The following TRPV5 variants were observed in gnomAD, a reference collection of about 807,000 sequenced individuals.
The protein encoded by TRPV5 is calcium transport protein 2.
Under a neutral mutation model 74.1 loss-of-function variants are expected in TRPV5, and 66 were observed. The observed-to-expected ratio is 0.89, with a 90% confidence interval of 0.73 to 1.09. The LOEUF (loss-of-function observed/expected upper bound fraction) is 1.09. TRPV5 is among the 50% of genes least tolerant of loss of function. The pLI, the probability that TRPV5 is intolerant of heterozygous loss-of-function variation, is 0.00. For synonymous variants in TRPV5, 399 were observed against 360.7 expected (o/e 1.11, Z -1.20); for missense variants, 936 against 930.4 (o/e 1.01, Z -0.08).
At chr7:142,923,496 G>A (rs4252444) in intron 8 of TRPV5, among the ~76,000 whole-genome samples, 114,890 of 152,052 alleles carry the variant, frequency 0.76, 47,835 homozygotes, top group East Asian at 0.96. Context: ...TTTCATTAGC[G>A]TTCTTTGTTA....
At position 142,933,432 on chromosome 7, in the gene TRPV5, C is replaced by T. The variant is rs766843884; in HGVS notation, c.28G>A (p.Gly10Arg). 2.5e-6 allele frequency: 4 copies of T among 1,614,092 alleles called. No individual in the cohort carries two copies. In the South Asian group the frequency reaches 3.3e-5, roughly 13 times the overall value. ...AGTTTCTGGAGTTGGCTCCCGGGCC[C>T]TTCTGCCTTAGGTAGAAAACCCCCC... Reference protein sequence around the residue: MGGFLPKAEGPGSQLQKLLP... With the variant: MGGFLPKAERPGSQLQKLLP... The change falls in exon 1 of 15, where the codon GGG becomes AGG. Residue 10 changes from glycine (G) to arginine (R), a missense_variant. Coordinates refer to ENST00000265310, the MANE Select transcript of TRPV5 (RefSeq NM_019841.7).
chr7:142,926,534 G>A (rs193165200), intron 7 of TRPV5, among the ~76,000 whole-genome samples: 56 of 152,240 alleles, frequency 3.7e-4, no homozygotes, highest in Non-Finnish European at 7.1e-4. Flanking sequence ...AGACATGCTC[G>A]GCAGTGTAGG....
rs1795638973 is a variant in TRPV5, at chr7:142,908,187, A to G, written c.*327T>C. ...AGCCAGAAAAGCCTCACAGCTTACT[A>G]CTTTCTAGGGGCTGCGTGGGGCAGA... On this transcript the variant is annotated 3_prime_UTR_variant, in exon 15 of 15. Transcript: ENST00000265310. The G allele has an allele frequency of 5.4e-6, 2 of 367,774 alleles. No homozygotes were observed. Among genetic ancestry groups the G allele is most frequent in the South Asian group, 4.5e-5 (1 of 21,996 alleles). 22.8% of individuals were successfully genotyped at this position (367,774 alleles called of 1,614,324 possible). A position where few individuals can be genotyped will look rare whatever the true frequency, so the allele number is the denominator to read the frequency against.
rs549378777 is a variant in TRPV5, at chr7:142,931,947, C to T, written c.128+1385G>A. On this transcript the variant is annotated intron_variant, in intron 1 of 14. Coordinates refer to ENST00000265310, the MANE Select transcript of TRPV5 (RefSeq NM_019841.7). The stretch of plus-strand genomic sequence containing the variant: ...GAACTCCTGACCTCAGGTGATCCAC[C>T]CATCTCGGCCTCCCAAAGTGCTGGG... Among the ~76,000 whole-genome samples the T allele has an allele frequency of 3.9e-5, 6 of 152,222 alleles. No homozygotes were observed. In the South Asian group the frequency reaches 8.3e-4, roughly 21 times the overall value.
chr7:142,916,126 C>A (rs1351904398), intron 8 of TRPV5, among the ~76,000 whole-genome samples: 1 of 152,198 alleles, frequency 6.6e-6, no homozygotes, highest in African/African-American at 2.4e-5. Flanking sequence ...GCTTACCTCC[C>A]AGAGTCATTG....
At position 142,914,951 on chromosome 7, in the gene TRPV5, C is replaced by T. The variant is rs748185106; in HGVS notation, c.1382G>A (p.Gly461Asp). ...VVPMSFALVL[G>D]WCSVMYFTRG... ...AGTGAAATACATGACACTGCACCAG[C>T]CCAGCACCAGGGCAAAGGACATGGG... Residue 461 changes from glycine to aspartate, a missense_variant, in exon 11 of 15, where the codon GGC becomes GAC. Transcript: ENST00000265310. 70 of 1,614,040 alleles carry T rather than the reference C, an allele frequency of 4.3e-5. No individual in the cohort carries two copies. Among genetic ancestry groups the T allele is most frequent in the Non-Finnish European group, 5.8e-5 (69 of 1,180,036 alleles).
intron 13 of TRPV5, 64 bp downstream of exon 13, chr7:142,912,418 T>G: frequency 1.3e-6 from 2 of 1,560,856 alleles, no homozygotes; most frequent in Non-Finnish European, 1.7e-6. Flanking sequence ...CACCATAACA[T>G]TTTCCACTTT....
rs148001669 is a variant in TRPV5 at position 142,909,542 on chromosome 7, G to A, written c.1843C>T (p.Arg615Cys). ...AATTCGCACCCACAGATCCCGGAGC[G>A]AGGCCACAGGCAGCGAGGCAGCTTC... Reference protein sequence around the residue: ...ERKLPRCLWPRSGICGCEFGL... With the variant: ...ERKLPRCLWPCSGICGCEFGL... The change falls in exon 14 of 15, where the codon CGC (arginine) becomes TGC (cysteine). Residue 615 changes from arginine to cysteine, a missense_variant. Arg to Cys is a radical substitution (Grantham distance 180, BLOSUM62 -3). Coordinates refer to ENST00000265310, the MANE Select transcript of TRPV5 (RefSeq NM_019841.7). The A allele has an allele frequency of 6.2e-6, 10 of 1,614,082 alleles. No individual in the cohort carries two copies. Among genetic ancestry groups the A allele is most frequent in the East Asian group, 4.5e-5 (2 of 44,884 alleles).
At chr7:142,916,146 C>A (rs753946810) in intron 8 of TRPV5, among the ~76,000 whole-genome samples, 6 of 152,298 alleles carry the variant, frequency 3.9e-5, no homozygotes, top group Middle Eastern at 3.4e-3. Flanking sequence ...GTGAAGCTTA[C>A]ATTAATGATA....
At chr7:142,925,192 C>A in intron 8 of TRPV5, 4 of 511,540 alleles carry the variant, frequency 7.8e-6, no homozygotes, top group Non-Finnish European at 1.4e-5. Context: ...AATTTTCCTC[C>A]TTTTGAGCAA....
rs1013779883 is a variant in TRPV5 at position 142,925,799 on chromosome 7, C to T, written c.910-58G>A. On this transcript the variant is annotated intron_variant, in intron 7 of 14. Transcript: ENST00000265310. ...CCAACACAGAAGGATGTTGTTTATC[C>T]CACTGGGGGCCAGAAGAGGCAGGGC... The T allele has an allele frequency of 2.0e-5, 29 of 1,467,468 alleles. 1 individual carries two copies. In the African/African-American group the frequency reaches 3.8e-4, roughly 19 times the overall value. 90.9% of individuals were successfully genotyped at this position (1,467,468 alleles called of 1,614,324 possible). A position where few individuals can be genotyped will look rare whatever the true frequency, so the allele number is the denominator to read the frequency against.
Position 142,912,686 on chromosome 7 carries a change from C to T in TRPV5, c.1584G>A (p.Met528Ile), listed in dbSNP as rs1305005076. The change falls in exon 13 of 15, where the codon ATG (methionine) becomes ATA (isoleucine). Residue 528 changes from methionine to isoleucine, a missense_variant. Coordinates refer to ENST00000265310, the MANE Select transcript of TRPV5 (RefSeq NM_019841.7). ...AAAGCTCAAAGGTGGTGAACAGTGCCATGGGGTAGTCATAGAATTGCCCCA... is the reference window on the plus strand; with the variant it reads ...AAAGCTCAAAGGTGGTGAACAGTGCTATGGGGTAGTCATAGAATTGCCCCA... The part of the protein sequence containing the change: ...TSLGQFYDYP[M>I]ALFTTFELFL... 1 of 1,614,198 alleles carries T rather than the reference C, an allele frequency of 6.2e-7. No individual in the cohort carries two copies. The highest frequency in any genetic ancestry group is 1.7e-5 in the Admixed American group (1 of 60,026).
In TRPV5 at chr7:142,914,637, T is replaced by C. The variant is rs759271943; in HGVS notation, c.1519+3A>G. ...TCTAGTAGAGGAGTGTATGGTGCCT[T>C]ACCGGAGGCAAATCCCAAGATGACC... On this transcript the variant is annotated splice_donor_region_variant and intron_variant, in intron 12 of 14. Coordinates refer to ENST00000265310, the MANE Select transcript of TRPV5 (RefSeq NM_019841.7). The C allele has an allele frequency of 3.7e-6, 6 of 1,612,898 alleles. No homozygotes were observed. In the South Asian group the frequency reaches 6.6e-5, roughly 18 times the overall value.
At position 142,925,683 on chromosome 7, in the gene TRPV5, T is replaced by G; in HGVS notation, c.968A>C (p.Lys323Thr). The G allele has an allele frequency of 6.2e-7, 1 of 1,614,174 alleles. No homozygotes were observed. Among genetic ancestry groups the G allele is most frequent in the Non-Finnish European group, 8.5e-7 (1 of 1,180,014 alleles). ...GATGCAGAAGTACGGCCGGCCATAC[T>G]TGTTCCACTTGAAGCTCACCAGCTC... is the stretch of plus-strand genomic sequence containing the variant. ...VKELVSFKWN[K>T]YGRPYFCILA... Residue 323 changes from lysine (K) to threonine (T), a missense_variant, in exon 8 of 15, where the codon AAG becomes ACG. Physicochemically the swap from Lys to Thr is moderately conservative, Grantham distance 78 (BLOSUM62 -1). Coordinates refer to ENST00000265310, the MANE Select transcript of TRPV5 (RefSeq NM_019841.7).
intron 8 of TRPV5, among the ~76,000 whole-genome samples, chr7:142,917,354 TA>T: frequency 6.6e-6 from 1 of 152,292 alleles, no homozygotes; most frequent in East Asian, 1.9e-4. Context: ...TATGTGTCTA[TA>T]AAAATATTTT....
chr7:142,926,387 G>A (rs1018127874), intron 7 of TRPV5, among the ~76,000 whole-genome samples: 1 of 152,080 alleles, frequency 6.6e-6, no homozygotes, highest in Non-Finnish European at 1.5e-5. Context: ...ACAGGAGAGG[G>A]GATGATGGAC....
rs530067186 is a variant in TRPV5 at position 142,915,415 on chromosome 7, T to A, written c.1210-32A>T. ...AGAGGACGGCAAAGCAAAAATACAA[T>A]GTGGACTGCGGTACAGTCTGGGCCT... On this transcript the variant is annotated intron_variant, in intron 9 of 14. Transcript: ENST00000265310. 1.9e-6 allele frequency: 3 copies of A among 1,609,184 alleles called. No homozygotes were observed. In the South Asian group the frequency reaches 3.3e-5, roughly 18 times the overall value.
intron 7 of TRPV5, 113 bp from the exon 8 acceptor site, chr7:142,925,854 C>A (rs771823525): frequency 1.8e-5 from 16 of 892,290 alleles, no homozygotes; most frequent in South Asian, 3.1e-5. Flanking sequence ...GCTCATCAGT[C>A]ACTTATTTGA....
intron 8 of TRPV5, among the ~76,000 whole-genome samples, chr7:142,918,051 T>C (rs1033960734): frequency 6.6e-6 from 1 of 152,160 alleles, no homozygotes; most frequent in Non-Finnish European, 1.5e-5. Flanking sequence ...TTTGCAAAGG[T>C]AAGGAAGATT....
Sources: gnomAD v4.1 joint callset for allele counts (sites outside exome capture counted in the v4.1 genomes callset) on GRCh38, gnomAD v4.1.1 for gene constraint, MANE v1.5 for transcripts, NCBI Gene and HGNC (gene_info 2026-07-23, HGNC 2026-07-21) for gene names.